MADD: variants seen among roughly 807,000 people sequenced by gnomAD.
MADD encodes the protein MAP kinase-activating death domain protein.
Under a neutral mutation model 176.7 loss-of-function variants are expected in MADD, and 109 were observed. That is an observed-to-expected ratio of 0.62 (90% CI 0.53 to 0.72). MADD has a LOEUF of 0.72. Among genes scored for constraint, MADD ranks in the 30% least tolerant of loss-of-function variants. The pLI is 0.00. For missense variants in MADD, 1,914 were observed against 2,045.5 expected (o/e 0.94, Z 1.24); for synonymous variants, 771 against 771.3 (o/e 1.00, Z 0.01).
At chr11:47,326,781 G>C in exon 31 of MADD, 1 of 1,614,126 alleles carries the variant, frequency 6.2e-7, no homozygotes, top group Non-Finnish European at 8.5e-7. Flanking sequence ...AATACAGTTC[G>C]AGGCGTCTTT....
chr11:47,327,871 G>A (rs2095625627), intron 31 of MADD: 1 of 985,372 alleles, frequency 1.0e-6, no homozygotes, highest in South Asian at 4.7e-5. Flanking sequence ...GGCTGAGCCT[G>A]GGGGGCCTAC....
intron 13 of MADD, 50 bp from the exon 14 acceptor site, chr11:47,285,401 A>G (rs763957383): frequency 6.2e-7 from 1 of 1,611,434 alleles, no homozygotes; most frequent in Non-Finnish European, 8.5e-7. Context: ...CCATACTCCC[A>G]AGATCAGGTA....
At chr11:47,289,296 G>A in intron 15 of MADD, 95 bp from the exon 17 acceptor site, 1 of 1,047,578 alleles carries the variant, frequency 9.5e-7, no homozygotes, top group Non-Finnish European at 1.5e-6. Flanking sequence ...GCCCTTCTGA[G>A]GAACGGGCAT....
intron 7 of MADD, among the ~76,000 whole-genome samples, chr11:47,279,446 G>A (rs2054124018): frequency 6.8e-6 from 1 of 147,098 alleles, no homozygotes; most frequent in Admixed American, 6.9e-5. Flanking sequence ...GTGCAGTGGC[G>A]CGATCTCGGC....
At chr11:47,292,487 C>G in intron 19 of MADD, 56 bp from the exon 21 acceptor site, 1 of 1,548,638 alleles carries the variant, frequency 6.5e-7, no homozygotes, top group Non-Finnish European at 8.9e-7. Flanking sequence ...TTTCGTCTGT[C>G]TGACCAGCCT....
At chr11:47,302,974 C>T (rs2079085009) in intron 22 of MADD, among the ~76,000 whole-genome samples, 1 of 152,018 alleles carries the variant, frequency 6.6e-6, no homozygotes, top group African/African-American at 2.4e-5. Context: ...CATCTTTTTA[C>T]TTCCAGATGT....
At chr11:47,276,235 G>A (rs1021094191) in intron 4 of MADD, 33 bp downstream of exon 4, 2 of 1,554,346 alleles carry the variant, frequency 1.3e-6, no homozygotes, top group Non-Finnish European at 1.7e-6. Context: ...CTTTCTAGGG[G>A]AGAAACTCTT....
exon 24 of MADD, chr11:47,309,379 G>C: frequency 1.2e-6 from 2 of 1,614,178 alleles, no homozygotes; most frequent in Non-Finnish European, 1.7e-6. Flanking sequence ...TATGGACCAG[G>C]GTCCCCAGGA....
intron 22 of MADD, among the ~76,000 whole-genome samples, chr11:47,306,176 C>A (rs376887202): frequency 1.3e-5 from 2 of 152,212 alleles, no homozygotes; most frequent in East Asian, 3.9e-4. Flanking sequence ...CAGCTGCAGC[C>A]CAAGGGGAGT....
chr11:47,281,850 C>CTTT, intron 8 of MADD, 97 bp downstream of exon 8: 2 of 328,336 alleles, frequency 6.1e-6, no homozygotes, highest in Non-Finnish European at 9.1e-6. Flanking sequence ...ACCAGGGTTC[C>CTTT]TTTTTTTTTT....
intron 22 of MADD, among the ~76,000 whole-genome samples, chr11:47,302,378 T>TG (rs2078508367): frequency 6.6e-6 from 1 of 152,146 alleles, no homozygotes; most frequent in African/African-American, 2.4e-5. Context: ...CATGCCCAGC[T>TG]AATTTTTGTA....
intron 19 of MADD, 83 bp downstream of exon 20, chr11:47,290,899 C>A: frequency 8.8e-7 from 1 of 1,132,432 alleles, no homozygotes; most frequent in South Asian, 1.5e-5. Flanking sequence ...AGAATCCTGC[C>A]TTTCTCTGCC....
chr11:47,299,491 A>G (rs892768110), intron 22 of MADD, among the ~76,000 whole-genome samples: 1 of 150,658 alleles, frequency 6.6e-6, no homozygotes, highest in Admixed American at 6.6e-5. Context: ...TTGTTGGTAT[A>G]TAGACACACT....
chr11:47,287,280 C>T (rs2061383864), intron 15 of MADD, among the ~76,000 whole-genome samples: 1 of 152,160 alleles, frequency 6.6e-6, no homozygotes, highest in Non-Finnish European at 1.5e-5. Context: ...CGAGGTCGCG[C>T]CACTGCACTC....
At chr11:47,302,347 G>A (rs1231405384) in intron 22 of MADD, among the ~76,000 whole-genome samples, 1 of 152,076 alleles carries the variant, frequency 6.6e-6, no homozygotes, top group East Asian at 1.9e-4. Context: ...CCAAGTAGCT[G>A]GGACTACAGG....
exon 33 of MADD, chr11:47,329,418 C>A (rs1013695043): frequency 2.1e-6 from 1 of 477,458 alleles, no homozygotes; most frequent in Non-Finnish European, 3.8e-6. Context: ...CGGTGTGAAC[C>A]CACTATTTTG....
At chr11:47,293,452 T>C (rs3781621) in intron 19 of MADD, among the ~76,000 whole-genome samples, 59,340 of 151,574 alleles carry the variant, frequency 0.39, 12,470 homozygotes, top group East Asian at 0.69. Flanking sequence ...CAGGTGTGCA[T>C]CACCACGCCC....
intron 22 of MADD, among the ~76,000 whole-genome samples, chr11:47,303,376 C>T (rs939827044): frequency 1.4e-4 from 21 of 151,110 alleles, no homozygotes. Flanking sequence ...GTAGCTAGGA[C>T]TAAGGTGCCT....
intron 27 of MADD, among the ~76,000 whole-genome samples, chr11:47,322,635 C>T (rs2094686930): frequency 6.6e-6 from 1 of 152,034 alleles, no homozygotes. Flanking sequence ...ATAACTTCAC[C>T]TGAAAGAGAA....
Sources: gnomAD v4.1 joint callset for allele counts (sites outside exome capture counted in the v4.1 genomes callset) on GRCh38, gnomAD v4.1.1 for gene constraint, MANE v1.5 for transcripts, NCBI Gene and HGNC (gene_info 2026-07-23, HGNC 2026-07-21) for gene names.